The following SND1 variants were observed in gnomAD, a reference collection of about 807,000 sequenced individuals.
The protein encoded by SND1 is staphylococcal nuclease domain-containing protein 1.
In SND1, 38 loss-of-function variants were observed where a neutral mutation model predicts 121.7. That is an observed-to-expected ratio of 0.31 (90% CI 0.24 to 0.41). SND1 has a LOEUF of 0.41. Ranked by LOEUF, SND1 falls within the 10% of genes least tolerant of loss-of-function variation. SND1 has a pLI of 1.00. For missense variants in SND1, 868 were observed against 1,184.6 expected (o/e 0.73, Z 3.92); for synonymous variants, 401 against 447.4 (o/e 0.90, Z 1.31).
rs114497719 is a variant in SND1 at position 128,005,768 on chromosome 7, T to G, written c.1779+14712T>G. Among the ~76,000 whole-genome samples the G allele has an allele frequency of 5.2e-3, 784 of 152,232 alleles. 5 individuals carry two copies. The highest frequency in any genetic ancestry group is 0.018 in the African/African-American group (756 of 41,526). On this transcript the variant is annotated intron_variant, in intron 16 of 23. Transcript: ENST00000354725. ...ACAGGAAAACTGCTGTGGAGCCTGGTCTCCAACTCCGAGGCTTGCTTTATT... is the reference window on the plus strand; with the variant it reads ...ACAGGAAAACTGCTGTGGAGCCTGGGCTCCAACTCCGAGGCTTGCTTTATT...
chr7:127,869,987 T>C (rs1799550994), intron 12 of SND1, among the ~76,000 whole-genome samples: 1 of 152,182 alleles, frequency 6.6e-6, no homozygotes, highest in Non-Finnish European at 1.5e-5. Context: ...TTTGTTCTGG[T>C]TGACTTCTAA....
chr7:127,852,908 T>A (rs1799198348), intron 12 of SND1, among the ~76,000 whole-genome samples: 1 of 152,254 alleles, frequency 6.6e-6, no homozygotes, highest in Non-Finnish European at 1.5e-5. Context: ...GTTCCTTTTC[T>A]TTGATAAATC....
intron 15 of SND1, among the ~76,000 whole-genome samples, chr7:127,984,749 A>G (rs1372771328): frequency 6.6e-6 from 1 of 152,210 alleles, no homozygotes; most frequent in Non-Finnish European, 1.5e-5. Context: ...ATTGGCTTAC[A>G]GTGTCAGTGA....
At chr7:128,046,961 T>A (rs1792959798) in intron 16 of SND1, among the ~76,000 whole-genome samples, 1 of 152,242 alleles carries the variant, frequency 6.6e-6, no homozygotes, top group Admixed American at 6.5e-5. Flanking sequence ...TTTTTAGAGC[T>A]GATGTTAGAT....
rs539429054 is a variant in SND1 at position 127,801,438 on chromosome 7, C to T, written c.1153-6046C>T. Among the ~76,000 whole-genome samples, 13 of 152,088 alleles carry T rather than the reference C, an allele frequency of 8.5e-5. No homozygotes were observed. The East Asian group carries it at 1.4e-3, about 16-fold the overall frequency. On this transcript the variant is annotated intron_variant, in intron 10 of 23. Transcript: ENST00000354725. ...ATTTCTCTTTTTCTTATCAATTGTC[C>T]GTTATTTACTGAGTAAATCAAAGTA... is the stretch of plus-strand genomic sequence containing the variant.
intron 11 of SND1, among the ~76,000 whole-genome samples, chr7:127,812,385 G>A (rs1282417336): frequency 6.6e-6 from 1 of 152,192 alleles, no homozygotes; most frequent in East Asian, 1.9e-4. Flanking sequence ...CTGTGAAGTT[G>A]TGTTTCATCA....
At chr7:127,997,904 C>T (rs1051750215) in intron 16 of SND1, 1 of 534,668 alleles carries the variant, frequency 1.9e-6, no homozygotes, top group African/African-American at 1.9e-5. Flanking sequence ...GGAAGGCTTC[C>T]CTTGCTCTCC....
At chr7:127,820,297 G>T (rs1374953221) in intron 11 of SND1, among the ~76,000 whole-genome samples, 1 of 152,166 alleles carries the variant, frequency 6.6e-6, no homozygotes, top group Non-Finnish European at 1.5e-5. Context: ...TAGGAATCCA[G>T]TGCCATCAGA....
chr7:127,797,179 C>T (rs571201870), intron 10 of SND1, among the ~76,000 whole-genome samples: 3 of 152,076 alleles, frequency 2.0e-5, no homozygotes, highest in Non-Finnish European at 2.9e-5. Context: ...AGGTGTGAGC[C>T]GCTGTGCCCG....
intron 16 of SND1, among the ~76,000 whole-genome samples, chr7:128,047,008 A>G (rs539918828): frequency 2.0e-5 from 3 of 152,302 alleles, no homozygotes; most frequent in South Asian, 4.1e-4. Flanking sequence ...ATGTACTTAT[A>G]TCCTGATTTT....
intron 6 of SND1, 62 bp from the exon 7 acceptor site, chr7:127,703,103 G>T (rs1796131612): frequency 1.3e-6 from 2 of 1,573,788 alleles, no homozygotes; most frequent in African/African-American, 1.3e-5. Flanking sequence ...CTTAGTGTGG[G>T]GCGAGAGTGC....
chr7:128,066,545 C>T lies in SND1; in HGVS notation c.1780-7957C>T, dbSNP rs117741610. 6.7e-3 allele frequency among the ~76,000 whole-genome samples: 1,024 copies of T among 152,318 alleles called. 5 individuals are homozygous for T. The highest frequency in any genetic ancestry group is 0.011 in the Non-Finnish European group (751 of 68,030). ...CTGCCTCTAGCCAGCCCACTCCCCA[C>T]GGTTGCAGATGGTAACGAGACCCAG... On this transcript the variant is annotated intron_variant, in intron 16 of 23. Coordinates refer to ENST00000354725, the MANE Select transcript of SND1 (RefSeq NM_014390.4).
At chr7:127,942,504 C>G (rs537269217) in intron 15 of SND1, among the ~76,000 whole-genome samples, 1 of 152,236 alleles carries the variant, frequency 6.6e-6, no homozygotes, top group African/African-American at 2.4e-5. Context: ...CTCATTGTGC[C>G]TAACATAGTG....
chr7:128,021,978 C>T lies in SND1; in HGVS notation c.1779+30922C>T, dbSNP rs370716789. Among the ~76,000 whole-genome samples, 15 of 152,060 alleles carry T rather than the reference C, an allele frequency of 9.9e-5. No individual in the cohort carries two copies. In the East Asian group the frequency reaches 2.7e-3, roughly 27 times the overall value. Reference sequence around the variant, plus strand: ...CAGCACTTTGTGAGCCCAAGGTGGGCGGATTGCCTGAGGTCGGGAGTTTCA... The same window carrying T: ...CAGCACTTTGTGAGCCCAAGGTGGGTGGATTGCCTGAGGTCGGGAGTTTCA... On this transcript the variant is annotated intron_variant, in intron 16 of 23. Transcript: ENST00000354725.
chr7:127,917,559 T>G (rs777946204), intron 14 of SND1, among the ~76,000 whole-genome samples: 1 of 152,172 alleles, frequency 6.6e-6, no homozygotes, highest in Non-Finnish European at 1.5e-5. Flanking sequence ...CTACCACACC[T>G]GGCTAATTTT....
intron 15 of SND1, among the ~76,000 whole-genome samples, chr7:127,980,577 A>G (rs1802236775): frequency 6.6e-6 from 1 of 152,170 alleles, no homozygotes; most frequent in Admixed American, 6.5e-5. Context: ...TAAGTATACT[A>G]ATCTCTAGAC....
chr7:128,074,866 A>G (rs1793480530), intron 17 of SND1, among the ~76,000 whole-genome samples, 176 bp downstream of exon 17: 1 of 152,204 alleles, frequency 6.6e-6, no homozygotes. Flanking sequence ...CTGCCAGCTG[A>G]GGTGTCCTCG....
At chr7:127,804,716 A>G (rs1328916762) in intron 10 of SND1, among the ~76,000 whole-genome samples, 1 of 151,236 alleles carries the variant, frequency 6.6e-6, no homozygotes, top group Non-Finnish European at 1.5e-5. Flanking sequence ...GACTAGCCTG[A>G]GCAACATAGT....
rs1410870370 is a variant in SND1, at chr7:128,015,737, C to CGT, written c.1779+24681_1779+24682insGT. ...TATGGCTGCAGCAGCCCCAGGACAC[C>CGT]ACTCTGCCTTTCCCCATTGCTGGCT... On this transcript the variant is annotated intron_variant, in intron 16 of 23. Coordinates refer to ENST00000354725, the MANE Select transcript of SND1 (RefSeq NM_014390.4). This position sits in a 1 kb window ranked among gnomAD's most constrained non-coding sequence, Gnocchi z 4.5. 6.6e-6 allele frequency among the ~76,000 whole-genome samples: 1 copy of CGT among 152,104 alleles called. No homozygotes were observed. The highest frequency in any genetic ancestry group is 1.9e-4 in the East Asian group (1 of 5,188).
Sources: allele counts gnomAD v4.1 joint callset (sites outside exome capture counted in the v4.1 genomes callset), GRCh38; gene constraint gnomAD v4.1.1; non-coding constraint Gnocchi (gnomAD v3.1); transcripts MANE v1.5; gene names NCBI Gene and HGNC (gene_info 2026-07-23, HGNC 2026-07-21).